The following SPAG1 variants were observed in gnomAD, a reference collection of about 807,000 sequenced individuals.
The protein encoded by SPAG1 is sperm-associated antigen 1.
Under a neutral mutation model 100.5 loss-of-function variants are expected in SPAG1, and 69 were observed. That is an observed-to-expected ratio of 0.69 (90% confidence interval 0.57 to 0.84). The LOEUF (loss-of-function observed/expected upper bound fraction) is 0.84, where lower values mean the gene tolerates loss of function less well. Ranked by LOEUF, SPAG1 falls within the 40% of genes least tolerant of loss-of-function variation. The pLI, the probability that SPAG1 is intolerant of heterozygous loss-of-function variation, is 0.00. For synonymous variants in SPAG1, 336 were observed against 411.6 expected (o/e 0.82, Z 2.22); for missense variants, 955 against 1,133.1 (o/e 0.84, Z 2.26).
At chr8:100,163,502 G>T (rs772390899) in intron 2 of SPAG1, among the ~76,000 whole-genome samples, 1 of 151,558 alleles carries the variant, frequency 6.6e-6, no homozygotes, top group Non-Finnish European at 1.5e-5. Context: ...GCCTCCCAAA[G>T]TGCTGGGGCC....
chr8:100,168,693 T>G (rs1815679420), intron 3 of SPAG1, among the ~76,000 whole-genome samples: 1 of 119,520 alleles, frequency 8.4e-6, no homozygotes, highest in Non-Finnish European at 1.7e-5. Context: ...CCATCTTTTT[T>G]TTTTTGTTGT....
intron 17 of SPAG1, among the ~76,000 whole-genome samples, chr8:100,240,007 G>A (rs1026426565): frequency 2.0e-5 from 3 of 152,162 alleles, no homozygotes; most frequent in Middle Eastern, 3.2e-3. Flanking sequence ...AGGCTAATAT[G>A]TAAGAGAAGC....
At chr8:100,219,148 C>G (rs1818145869) in intron 12 of SPAG1, among the ~76,000 whole-genome samples, 3 of 152,196 alleles carry the variant, frequency 2.0e-5, no homozygotes, top group Admixed American at 6.5e-5. Flanking sequence ...GTGACTAGCA[C>G]ATAGCAGATA....
intron 3 of SPAG1, among the ~76,000 whole-genome samples, chr8:100,175,521 C>T (rs1002697857): frequency 1.3e-4 from 20 of 152,068 alleles, no homozygotes; most frequent in African/African-American, 4.3e-4. Flanking sequence ...CTCCTGACCT[C>T]GTGATCCGTC....
chr8:100,179,427 T>C (rs1816272306), intron 4 of SPAG1, among the ~76,000 whole-genome samples: 1 of 152,142 alleles, frequency 6.6e-6, no homozygotes. Context: ...GTACTAAGAC[T>C]GTGCCTTGAA....
intron 7 of SPAG1, among the ~76,000 whole-genome samples, chr8:100,186,198 C>T (rs1490825377): frequency 6.7e-6 from 1 of 149,474 alleles, no homozygotes. Context: ...CCTGAGAATA[C>T]TGGGACTACA....
At chr8:100,182,182 T>G (rs1252717020) in intron 4 of SPAG1, among the ~76,000 whole-genome samples, 3 of 152,228 alleles carry the variant, frequency 2.0e-5, no homozygotes, top group African/African-American at 4.8e-5. Flanking sequence ...TAGCAAAAAA[T>G]TGTACCCTCT....
chr8:100,231,069 A>G, intron 14 of SPAG1, 87 bp from the exon 15 acceptor site: 1 of 1,194,096 alleles, frequency 8.4e-7, no homozygotes, highest in East Asian at 2.4e-5. Context: ...GTTAATTTGC[A>G]ATAGAAGATT....
chr8:100,241,782 CCCT>C lies in SPAG1; in HGVS notation c.*761_*763del, dbSNP rs1273627297. ...CCAAACATTTGAATGTCCCCCTTCCCCCTTTTTTGTTTTCTGCTTTTATGACTG... is the reference window on the plus strand; with the variant it reads ...CCAAACATTTGAATGTCCCCCTTCCCTTTTTGTTTTCTGCTTTTATGACTG... On this transcript the variant is annotated 3_prime_UTR_variant, in exon 19 of 19. Transcript: ENST00000388798. The surrounding 1 kb of genome is among the most constrained non-coding windows in gnomAD (Gnocchi z 5.1). 1.3e-5 allele frequency: 2 copies of C among 151,558 alleles called. No homozygotes were observed. Among genetic ancestry groups the C allele is most frequent in the Non-Finnish European group, 2.9e-5 (2 of 68,018 alleles). 9.4% of individuals were successfully genotyped at this position (151,558 alleles called of 1,614,324 possible).
rs1306530703 is a variant in SPAG1 at position 100,215,195 on chromosome 8, G to A, written c.1535+1277G>A. 2.6e-5 allele frequency among the ~76,000 whole-genome samples: 4 copies of A among 151,114 alleles called. No individual in the cohort carries two copies. In the East Asian group the frequency reaches 5.8e-4, roughly 22 times the overall value. On this transcript the variant is annotated intron_variant, in intron 12 of 18. Transcript: ENST00000388798. ...CCCCCTACCCTTTCCATCCTCTGGTGTCCTCTGAGGAACCCTGTCTTATAC... is the reference window on the plus strand; with the variant it reads ...CCCCCTACCCTTTCCATCCTCTGGTATCCTCTGAGGAACCCTGTCTTATAC...
intron 14 of SPAG1, among the ~76,000 whole-genome samples, chr8:100,230,133 C>G (rs548333746): frequency 5.9e-5 from 9 of 152,224 alleles, no homozygotes; most frequent in Admixed American, 2.6e-4. Flanking sequence ...AAATGATTAT[C>G]CCAAAGGTTA....
rs143727690 is a variant in SPAG1 at position 100,163,075 on chromosome 8, C to T, written c.140+655C>T. ...ATCACCTGACAACAAGGGAGGGTGA[C>T]CCACCGCACACTGATCACATGGAGG... On this transcript the variant is annotated intron_variant, in intron 2 of 18. Transcript: ENST00000388798. Among the ~76,000 whole-genome samples the T allele has an allele frequency of 1.3e-3, 191 of 152,218 alleles. No individual in the cohort carries two copies. In the Middle Eastern group the frequency reaches 0.014, roughly 11 times the overall value.
At chr8:100,164,662 TG>T (rs1415059332) in intron 2 of SPAG1, among the ~76,000 whole-genome samples, 104 of 152,304 alleles carry the variant, frequency 6.8e-4, no homozygotes, top group African/African-American at 2.4e-3. Flanking sequence ...TGACCTCAAG[TG>T]ATCCACCTGC....
intron 1 of SPAG1, 29 bp from the exon 2 acceptor site, chr8:100,162,250 A>G (rs775230513): frequency 6.6e-7 from 1 of 1,508,808 alleles, no homozygotes; most frequent in Non-Finnish European, 9.0e-7. Context: ...TATACATTAG[A>G]TTAATAACTT....
At chr8:100,210,416 G>A (rs1366483714) in intron 10 of SPAG1, among the ~76,000 whole-genome samples, 1 of 152,104 alleles carries the variant, frequency 6.6e-6, no homozygotes, top group Non-Finnish European at 1.5e-5. Context: ...CTAGTATTTT[G>A]CTGAGGATTT....
intron 12 of SPAG1, 149 bp downstream of exon 12, chr8:100,214,067 ATTATC>A (rs1817863393): frequency 1.8e-6 from 1 of 542,864 alleles, no homozygotes; most frequent in Non-Finnish European, 3.4e-6. Flanking sequence ...AAAATCATAA[ATTATC>A]TTACGTATAT....
intron 7 of SPAG1, chr8:100,185,118 A>G (rs1328888260): frequency 5.5e-6 from 1 of 181,318 alleles, no homozygotes; most frequent in Admixed American, 6.5e-5. Context: ...TGGGTGCACC[A>G]TCAAAAATGC....
chr8:100,186,363 G>A (rs898921966), intron 7 of SPAG1, among the ~76,000 whole-genome samples: 2 of 152,082 alleles, frequency 1.3e-5, no homozygotes, highest in Admixed American at 6.5e-5. Context: ...GAGCCACCAT[G>A]CCTGGCTTCA....
At chr8:100,203,986 C>T (rs1817398781) in intron 10 of SPAG1, among the ~76,000 whole-genome samples, 1 of 152,110 alleles carries the variant, frequency 6.6e-6, no homozygotes, top group South Asian at 2.1e-4. Context: ...TGTAGGAGGA[C>T]CTTGATGAAA....
Sources: allele counts gnomAD v4.1 joint callset (sites outside exome capture counted in the v4.1 genomes callset), GRCh38; gene constraint gnomAD v4.1.1; non-coding constraint Gnocchi (gnomAD v3.1); transcripts MANE v1.5; gene names NCBI Gene and HGNC (gene_info 2026-07-23, HGNC 2026-07-21).